The following KCNIP4 variants were observed in gnomAD, a reference collection of about 807,000 sequenced individuals.
KCNIP4 encodes the protein potassium voltage-gated channel interacting protein 4.
KCNIP4 carries 12 observed loss-of-function variants against 34.0 expected under a neutral mutation model. The ratio of observed to expected loss-of-function variants is 0.35; its 90% confidence interval spans 0.23 to 0.57. The LOEUF (loss-of-function observed/expected upper bound fraction) is 0.57, where lower values mean the gene tolerates loss of function less well. Ranked by LOEUF, KCNIP4 falls within the 20% of genes least tolerant of loss-of-function variation. The pLI is 0.83. For missense variants in KCNIP4, 238 were observed against 311.7 expected, an observed-to-expected ratio of 0.76 and a Z score of 1.78; for synonymous variants, 124 against 102.2, an observed-to-expected ratio of 1.21 and a Z score of -1.29.
intron 3 of KCNIP4, among the ~76,000 whole-genome samples, chr4:20,836,484 T>C: frequency 6.6e-6 from 1 of 152,190 alleles, no homozygotes. Flanking sequence ...TCTGTGGATT[T>C]ATTTTAAAGA....
intron 3 of KCNIP4, among the ~76,000 whole-genome samples, chr4:20,800,363 C>G (rs903282443): frequency 3.3e-5 from 5 of 152,154 alleles, no homozygotes; most frequent in Admixed American, 3.3e-4. Flanking sequence ...TGCAGGAACA[C>G]AAGAAACACA....
At chr4:20,896,047 T>C (rs535921827) in intron 1 of KCNIP4, among the ~76,000 whole-genome samples, 3 of 152,334 alleles carry the variant, frequency 2.0e-5, no homozygotes, top group African/African-American at 7.2e-5. Context: ...CCACTTAGAA[T>C]GTTGGATTTC....
chr4:20,787,562 T>G (rs1053580566), intron 3 of KCNIP4, among the ~76,000 whole-genome samples: 4 of 152,114 alleles, frequency 2.6e-5, no homozygotes, highest in Non-Finnish European at 5.9e-5. Context: ...AGTCTGTATC[T>G]CTATGTATAT....
At chr4:21,232,608 T>C (rs73109473) in intron 1 of KCNIP4, among the ~76,000 whole-genome samples, 2,793 of 152,288 alleles carry the variant, frequency 0.018, 83 homozygotes, top group African/African-American at 0.064. Context: ...AACACTTCCA[T>C]AGATCTGGGA....
At chr4:21,690,887 GTTTAC>G (rs1271879238) in intron 1 of KCNIP4, among the ~76,000 whole-genome samples, 2 of 152,084 alleles carry the variant, frequency 1.3e-5, no homozygotes, top group East Asian at 3.9e-4. Flanking sequence ...GAATGTATAG[GTTTAC>G]TTTACTTCTG....
At chr4:21,648,665 A>C (rs1560591664) in intron 1 of KCNIP4, among the ~76,000 whole-genome samples, 2 of 152,232 alleles carry the variant, frequency 1.3e-5, no homozygotes, top group Non-Finnish European at 2.9e-5. Context: ...TGGCTGAATA[A>C]TTATTTGCCA....
At chr4:21,899,097 G>A (rs10006654) in intron 1 of KCNIP4, among the ~76,000 whole-genome samples, 13,096 of 152,086 alleles carry the variant, frequency 0.086, 1,899 homozygotes, top group African/African-American at 0.3. Context: ...ATGACTAAGT[G>A]GGATTTATCC....
intron 3 of KCNIP4, among the ~76,000 whole-genome samples, chr4:20,777,350 C>G (rs1282914550): frequency 6.6e-6 from 1 of 152,136 alleles, no homozygotes; most frequent in East Asian, 1.9e-4. Flanking sequence ...TGGATCCTTC[C>G]CAGAACACAT....
At chr4:20,817,649 T>TC (rs1716577944) in intron 3 of KCNIP4, among the ~76,000 whole-genome samples, 1 of 151,992 alleles carries the variant, frequency 6.6e-6, no homozygotes, top group Non-Finnish European at 1.5e-5. Context: ...TTTTTTCTTT[T>TC]CCTTGATTAC....
intron 1 of KCNIP4, among the ~76,000 whole-genome samples, chr4:21,311,500 C>A (rs2109274329): frequency 6.6e-6 from 1 of 152,200 alleles, no homozygotes; most frequent in South Asian, 2.1e-4. Context: ...ACCATCCTGG[C>A]CAACATGGTG....
intron 1 of KCNIP4, among the ~76,000 whole-genome samples, chr4:21,773,745 G>GTTTTTTTTTTTTTTTTTTTTTTTTTTTTT (rs55701942): frequency 8.7e-6 from 1 of 115,426 alleles, no homozygotes. Flanking sequence ...TTTTTTTGTT[G>GTTTTTTTTTTTTTTTTTTTTTTTTTTTTT]TTTTTTTTTT....
At chr4:21,096,126 G>T (rs1747440398) in intron 1 of KCNIP4, among the ~76,000 whole-genome samples, 1 of 152,074 alleles carries the variant, frequency 6.6e-6, no homozygotes, top group South Asian at 2.1e-4. Context: ...TTCCTTTTAT[G>T]ATAGAGGGAC....
intron 1 of KCNIP4, among the ~76,000 whole-genome samples, chr4:21,479,155 C>T (rs1731224355): frequency 6.6e-6 from 1 of 152,124 alleles, no homozygotes; most frequent in Non-Finnish European, 1.5e-5. Context: ...TGTGGGCCAG[C>T]CCAGTATCTG....
At chr4:21,836,914 A>ATTTTTTTTTT (rs201730191) in intron 1 of KCNIP4, among the ~76,000 whole-genome samples, 2 of 123,536 alleles carry the variant, frequency 1.6e-5, no homozygotes, top group Non-Finnish European at 3.3e-5. Context: ...GCTGGGATAA[A>ATTTTTTTTTT]TTTTTTTTTT....
chr4:21,119,860 T>G (rs1373321098), intron 1 of KCNIP4, among the ~76,000 whole-genome samples: 1 of 152,168 alleles, frequency 6.6e-6, no homozygotes. Flanking sequence ...GCTAGAGTTG[T>G]GTGTGCTCCT....
chr4:21,810,222 A>C (rs143006233), intron 1 of KCNIP4, among the ~76,000 whole-genome samples: 2 of 152,346 alleles, frequency 1.3e-5, no homozygotes, highest in African/African-American at 2.4e-5. Context: ...ATGTGATCTC[A>C]TTATCCTATC....
intron 1 of KCNIP4, among the ~76,000 whole-genome samples, chr4:21,098,238 A>G (rs1466604214): frequency 1.3e-5 from 2 of 152,228 alleles, no homozygotes; most frequent in Non-Finnish European, 2.9e-5. Context: ...ATGCTGATGT[A>G]GAAGTTGTAG....
intron 1 of KCNIP4, among the ~76,000 whole-genome samples, chr4:21,774,530 T>C (rs1163177565): frequency 2.0e-5 from 3 of 152,180 alleles, no homozygotes; most frequent in African/African-American, 4.8e-5. Flanking sequence ...CTGAAATGCG[T>C]TTTCCAGCTT....
intron 1 of KCNIP4, among the ~76,000 whole-genome samples, chr4:21,512,188 C>CGAAGGAAG (rs1174950441): frequency 6.5e-5 from 9 of 139,492 alleles, no homozygotes; most frequent in East Asian, 2.1e-4. Context: ...AAGGAACGAA[C>CGAAGGAAG]GAAGGAACGA....
Sources: allele counts gnomAD v4.1 joint callset (sites outside exome capture counted in the v4.1 genomes callset), GRCh38; gene constraint gnomAD v4.1.1; transcripts MANE v1.5; gene names NCBI Gene and HGNC (gene_info 2026-07-23, HGNC 2026-07-21).